Variants in SH3RF2 observed in about 807,000 individuals in gnomAD.
The protein encoded by SH3RF2 is E3 ubiquitin-protein ligase SH3RF2.
Under a neutral mutation model 59.0 loss-of-function variants are expected in SH3RF2, and 43 were observed. That is an observed-to-expected ratio of 0.73 (90% CI 0.57 to 0.94). SH3RF2 has a LOEUF of 0.94. SH3RF2 is among the 40% of genes least tolerant of loss of function. SH3RF2 has a pLI of 0.00. For missense variants in SH3RF2, 930 were observed against 940.1 expected, an observed-to-expected ratio of 0.99 and a Z score of 0.14; for synonymous variants, 391 against 391.5, an observed-to-expected ratio of 1.00 and a Z score of 0.01.
chr5:146,067,779 GCCCACA>G (rs149154078), downstream of SH3RF2, among the ~76,000 whole-genome samples: 50,467 of 151,606 alleles, frequency 0.33, 8,786 homozygotes, highest in Non-Finnish European at 0.38. Context: ...CCCAAGGCCT[GCCCACA>G]CCCACACCCC....
intron 2 of SH3RF2, among the ~76,000 whole-genome samples, chr5:145,975,690 G>A (rs528761409): frequency 1.3e-5 from 2 of 152,314 alleles, no homozygotes; most frequent in East Asian, 1.9e-4. Flanking sequence ...GCAATGAACC[G>A]TGTTGAGTTC....
At chr5:146,014,583 A>G (rs1445416571) in intron 5 of SH3RF2, among the ~76,000 whole-genome samples, 1 of 152,230 alleles carries the variant, frequency 6.6e-6, no homozygotes, top group Non-Finnish European at 1.5e-5. Flanking sequence ...CCAAAATGAA[A>G]ATACAAGTCC....
At chr5:145,963,894 G>A (rs557839270) in intron 2 of SH3RF2, among the ~76,000 whole-genome samples, 2 of 149,036 alleles carry the variant, frequency 1.3e-5, no homozygotes, top group Admixed American at 1.3e-4. Flanking sequence ...GTGCAGTGCC[G>A]CAATCTCGGC....
intron 2 of SH3RF2, among the ~76,000 whole-genome samples, chr5:145,998,847 G>A (rs1760275258): frequency 6.6e-6 from 1 of 152,106 alleles, no homozygotes; most frequent in South Asian, 2.1e-4. Context: ...GGAGGTGGAG[G>A]TTGCAGTGAG....
At chr5:146,016,492 C>A (rs967425379) in intron 5 of SH3RF2, among the ~76,000 whole-genome samples, 1 of 152,144 alleles carries the variant, frequency 6.6e-6, no homozygotes, top group African/African-American at 2.4e-5. Context: ...TACTCTCAGT[C>A]TCCTAAGCCT....
intron 2 of SH3RF2, among the ~76,000 whole-genome samples, chr5:145,998,311 A>T (rs1420932291): frequency 6.6e-6 from 1 of 150,806 alleles, no homozygotes; most frequent in Non-Finnish European, 1.5e-5. Flanking sequence ...CATGAACTCC[A>T]GTGAGACTAA....
chr5:145,937,908 G>A lies in SH3RF2; in HGVS notation c.-21G>A, dbSNP rs1757657331. 3 of 1,600,426 alleles carry A rather than the reference G, an allele frequency of 1.9e-6. No individual in the cohort carries two copies. Among genetic ancestry groups the A allele is most frequent in the African/African-American group, 1.3e-5 (1 of 74,748 alleles). ...ATGTGGACGCTGCTCCTCCAGGTGG[G>A]AACTGGAGTTTTGAAATAAAATGGA... On this transcript the variant is annotated 5_prime_UTR_variant, in exon 2 of 10. Transcript: ENST00000359120.
intron 2 of SH3RF2, among the ~76,000 whole-genome samples, chr5:145,993,107 A>G (rs1367958148): frequency 6.6e-6 from 1 of 152,204 alleles, no homozygotes; most frequent in East Asian, 1.9e-4. Context: ...TACAGGCCCC[A>G]TGCAAGTCCA....
intron 9 of SH3RF2, 108 bp from the exon 10 acceptor site, chr5:146,062,318 A>G: frequency 7.3e-7 from 1 of 1,374,778 alleles, no homozygotes; most frequent in East Asian, 2.3e-5. Context: ...GTAGCCACAG[A>G]TATTTGCAGA....
exon 10 of SH3RF2, chr5:146,080,514 TA>T (rs1280323292): frequency 2.6e-5 from 4 of 152,140 alleles, no homozygotes; most frequent in African/African-American, 4.8e-5. Flanking sequence ...ATAAAACATA[TA>T]AAAAATGATT....
At chr5:145,942,437 C>A (rs1757850493) in intron 2 of SH3RF2, among the ~76,000 whole-genome samples, 1 of 152,094 alleles carries the variant, frequency 6.6e-6, no homozygotes, top group Admixed American at 6.5e-5. Context: ...GTCCTAGAAA[C>A]TTTTCAGCTG....
In SH3RF2 at chr5:145,981,324, C is replaced by T. The variant is rs1759497988; in HGVS notation, c.379-18734C>T. ...ATGTTGCCCAGGCTGGTCTTGAATTCCTGGGTTTAAGTGATCCTCCCACCT... is the reference window on the plus strand; with the variant it reads ...ATGTTGCCCAGGCTGGTCTTGAATTTCTGGGTTTAAGTGATCCTCCCACCT... On this transcript the variant is annotated intron_variant, in intron 2 of 9. Transcript: ENST00000359120. Among the ~76,000 whole-genome samples the T allele has an allele frequency of 3.3e-5, 5 of 152,070 alleles. No individual in the cohort carries two copies. The South Asian group carries it at 1.0e-3, about 32-fold the overall frequency.
chr5:145,945,725 A>G (rs1031730431), intron 2 of SH3RF2, among the ~76,000 whole-genome samples: 4 of 152,120 alleles, frequency 2.6e-5, no homozygotes, highest in African/African-American at 4.8e-5. Flanking sequence ...TTGCCTTCCT[A>G]TCAGGGTGAC....
intron 5 of SH3RF2, among the ~76,000 whole-genome samples, chr5:146,015,908 C>G (rs1301250470): frequency 6.6e-6 from 1 of 152,124 alleles, no homozygotes; most frequent in Non-Finnish European, 1.5e-5. Context: ...AAAACACACT[C>G]GAAATGGCCC....
At position 145,967,645 on chromosome 5, in the gene SH3RF2, T is replaced by C. The variant is rs1020911939; in HGVS notation, c.378+29339T>C. On this transcript the variant is annotated intron_variant, in intron 2 of 9. Coordinates refer to ENST00000359120, the MANE Select transcript of SH3RF2 (RefSeq NM_152550.4). ...CTCCGAAGCTGAATTTATGGTGAGT[T>C]ATTTCTTTTTTTCTTTCTTTCTTTT... Among the ~76,000 whole-genome samples the C allele has an allele frequency of 2.0e-5, 3 of 152,248 alleles. No individual in the cohort carries two copies. The South Asian group carries it at 6.2e-4, about 32-fold the overall frequency.
At chr5:146,002,426 G>C (rs565458472) in intron 3 of SH3RF2, among the ~76,000 whole-genome samples, 2 of 150,682 alleles carry the variant, frequency 1.3e-5, no homozygotes, top group East Asian at 3.9e-4. Context: ...ACTCCAGCCT[G>C]GGCAACAGAG....
chr5:145,937,834 G>T lies in SH3RF2; in HGVS notation c.-95G>T. On this transcript the variant is annotated 5_prime_UTR_variant, in exon 2 of 10. Transcript: ENST00000359120. ...CCTCCTTCAAGCAGGCAAAAATTCT[G>T]ACGTTCTCAAGAGACCAGCTCTGCC... 1 of 1,457,846 alleles carries T rather than the reference G, an allele frequency of 6.9e-7. No individual in the cohort carries two copies. The highest frequency in any genetic ancestry group is 1.4e-5 in the South Asian group (1 of 72,262). 90.3% of individuals were successfully genotyped at this position (1,457,846 alleles called of 1,614,324 possible).
chr5:145,964,315 T>TC (rs1433298745), intron 2 of SH3RF2, among the ~76,000 whole-genome samples: 5 of 145,242 alleles, frequency 3.4e-5, no homozygotes, highest in South Asian at 2.2e-4. Context: ...TTTCTTTCTT[T>TC]TTTTTTTTTT....
chr5:146,024,364 T>C (rs548431496), intron 5 of SH3RF2, among the ~76,000 whole-genome samples: 2 of 152,382 alleles, frequency 1.3e-5, no homozygotes, highest in East Asian at 3.8e-4. Context: ...TTATAGTGCA[T>C]GTGTTCTTTG....
Sources: allele counts gnomAD v4.1 joint callset (sites outside exome capture counted in the v4.1 genomes callset), GRCh38; gene constraint gnomAD v4.1.1; transcripts MANE v1.5; gene names NCBI Gene and HGNC (gene_info 2026-07-23, HGNC 2026-07-21).